The following GALNT17 variants were observed in gnomAD, a reference collection of about 807,000 sequenced individuals.
GALNT17 encodes the protein UDP-GalNAc:polypeptide N-acetylgalactosaminyltransferase-like 3.
Under a neutral mutation model 63.7 loss-of-function variants are expected in GALNT17, and 29 were observed. The ratio of observed to expected loss-of-function variants is 0.46; its 90% CI spans 0.34 to 0.62. The LOEUF (loss-of-function observed/expected upper bound fraction) is 0.62, where lower values mean the gene tolerates loss of function less well. Ranked by LOEUF, GALNT17 falls within the 20% of genes least tolerant of loss-of-function variation. The pLI, the probability that GALNT17 is intolerant of heterozygous loss-of-function variation, is 0.01. For missense variants in GALNT17, 603 were observed against 799.6 expected (o/e 0.75, Z 2.97); for synonymous variants, 305 against 318.3 (o/e 0.96, Z 0.45).
intron 1 of GALNT17, among the ~76,000 whole-genome samples, chr7:71,206,825 G>T (rs1789279707): frequency 6.6e-6 from 1 of 152,130 alleles, no homozygotes; most frequent in African/African-American, 2.4e-5. Flanking sequence ...TGATCAGTAG[G>T]CCGGGCGTGG....
intron 2 of GALNT17, among the ~76,000 whole-genome samples, chr7:71,381,809 G>T (rs1430491094): frequency 6.6e-6 from 1 of 152,136 alleles, no homozygotes; most frequent in African/African-American, 2.4e-5. Flanking sequence ...AACCTGCGGC[G>T]CAAAGAGTGG....
rs796727824 is a variant in GALNT17 at position 71,451,847 on chromosome 7, A to C, written c.962+30742A>C. ...TTTTAAAAACCAAATCAATTTTTTA[A>C]ATATAAGCTTCTATTCTTAATTTAT... On this transcript the variant is annotated intron_variant, in intron 5 of 10. Transcript: ENST00000333538. Among the ~76,000 whole-genome samples the C allele has an allele frequency of 2.8e-4, 42 of 152,206 alleles. 1 individual carries two copies. Among genetic ancestry groups the C allele is most frequent in the African/African-American group, 9.6e-4 (40 of 41,532 alleles).
intron 6 of GALNT17, among the ~76,000 whole-genome samples, chr7:71,585,781 A>G (rs6977463): frequency 0.12 from 17,746 of 152,098 alleles, 1,964 homozygotes; most frequent in African/African-American, 0.3. Flanking sequence ...AGTCTGATTA[A>G]TATATACCCC....
intron 6 of GALNT17, among the ~76,000 whole-genome samples, chr7:71,645,528 G>A (rs1264994448): frequency 6.6e-6 from 1 of 152,152 alleles, no homozygotes; most frequent in African/African-American, 2.4e-5. Context: ...GCAGAACTCT[G>A]AGTCACTTAA....
chr7:71,300,577 T>TAC (rs914397855), intron 1 of GALNT17: 36 of 359,294 alleles, frequency 1.0e-4, no homozygotes, highest in African/African-American at 6.8e-4. Flanking sequence ...ATTTGTTTTC[T>TAC]ACACACACAC....
intron 1 of GALNT17, among the ~76,000 whole-genome samples, chr7:71,286,313 C>G (rs1352535720): frequency 6.6e-6 from 1 of 152,146 alleles, no homozygotes; most frequent in Non-Finnish European, 1.5e-5. Flanking sequence ...GTGAAGGAAC[C>G]CTGGGTGTTT....
At chr7:71,176,580 A>AGGAT (rs1378282233) in intron 1 of GALNT17, among the ~76,000 whole-genome samples, 2 of 152,164 alleles carry the variant, frequency 1.3e-5, no homozygotes, top group African/African-American at 2.4e-5. Flanking sequence ...ATACTGCATC[A>AGGAT]GGATGGGTTC....
chr7:71,267,467 G>GAAT (rs1790512259), intron 1 of GALNT17, among the ~76,000 whole-genome samples: 1 of 151,926 alleles, frequency 6.6e-6, no homozygotes, highest in Non-Finnish European at 1.5e-5. Flanking sequence ...CATCAAGGAG[G>GAAT]AATAATTCAG....
At chr7:71,525,165 T>C (rs867422622) in intron 5 of GALNT17, among the ~76,000 whole-genome samples, 18 of 152,170 alleles carry the variant, frequency 1.2e-4, no homozygotes, top group Middle Eastern at 3.4e-3. Context: ...CTTTTGTGTG[T>C]GTGTGTTTTG....
At chr7:71,525,634 T>C (rs1474391192) in intron 5 of GALNT17, among the ~76,000 whole-genome samples, 2 of 151,754 alleles carry the variant, frequency 1.3e-5, no homozygotes, top group Non-Finnish European at 2.9e-5. Flanking sequence ...CCTTCTGTCA[T>C]AATCATGAGG....
At chr7:71,170,827 ATTTCGAAC>A (rs987699783) in intron 1 of GALNT17, among the ~76,000 whole-genome samples, 1 of 152,120 alleles carries the variant, frequency 6.6e-6, no homozygotes, top group African/African-American at 2.4e-5. Flanking sequence ...GGGTCATATG[ATTTCGAAC>A]TTTGCTTTTT....
chr7:71,420,955 T>G lies in GALNT17; in HGVS notation c.812T>G (p.Ile271Ser). The G allele has an allele frequency of 6.2e-7, 1 of 1,614,066 alleles. No individual in the cohort carries two copies. Among genetic ancestry groups the G allele is most frequent in the Non-Finnish European group, 8.5e-7 (1 of 1,180,008 alleles). ...ATCCAGGAAAACCGGAAGCGTGTGATCCTCCCCTCCATTGACAACATCAAA... is the reference window on the plus strand; with the variant it reads ...ATCCAGGAAAACCGGAAGCGTGTGAGCCTCCCCTCCATTGACAACATCAAA... ...SRIQENRKRV[I>S]LPSIDNIKQD... The change falls in exon 5 of 11, where the codon ATC becomes AGC. Residue 271 changes from isoleucine (I) to serine (S), a missense_variant. Transcript: ENST00000333538.
chr7:71,358,110 G>T (rs1792323729), intron 2 of GALNT17, among the ~76,000 whole-genome samples: 1 of 152,130 alleles, frequency 6.6e-6, no homozygotes, highest in South Asian at 2.1e-4. Flanking sequence ...TCACTTTTTG[G>T]GTCGGTGCCA....
intron 5 of GALNT17, among the ~76,000 whole-genome samples, chr7:71,465,119 A>G (rs1360337030): frequency 6.6e-6 from 1 of 152,194 alleles, no homozygotes; most frequent in East Asian, 1.9e-4. Context: ...ACAGACATCT[A>G]GGTGGCAGCA....
At chr7:71,134,593 A>T (rs918320857) in intron 1 of GALNT17, among the ~76,000 whole-genome samples, 5 of 152,166 alleles carry the variant, frequency 3.3e-5, no homozygotes, top group African/African-American at 1.2e-4. Flanking sequence ...CCTGACTGTC[A>T]GGGTAGCCCA....
intron 1 of GALNT17, among the ~76,000 whole-genome samples, chr7:71,230,447 T>C (rs1789767165): frequency 6.6e-6 from 1 of 152,076 alleles, no homozygotes; most frequent in South Asian, 2.1e-4. Context: ...GGTACCAGCA[T>C]CAGGAGAACA....
At position 71,665,382 on chromosome 7, in the gene GALNT17, T is replaced by G. The variant is rs555815934; in HGVS notation, c.1081-29T>G. The G allele has an allele frequency of 2.9e-5, 45 of 1,577,452 alleles. No individual in the cohort carries two copies. In the South Asian group the frequency reaches 5.1e-4, roughly 18 times the overall value. On this transcript the variant is annotated intron_variant, in intron 6 of 10. Coordinates refer to ENST00000333538, the MANE Select transcript of GALNT17 (RefSeq NM_022479.3). ...GGCATAGCCTCTGGGAATTTCTTTT[T>G]CAGGCTGATGAAATCTTTGTACCCC...
At chr7:71,409,541 G>A (rs901934586) in intron 3 of GALNT17, among the ~76,000 whole-genome samples, 63 of 152,314 alleles carry the variant, frequency 4.1e-4, no homozygotes, top group African/African-American at 1.5e-3. Context: ...CTTAACAACT[G>A]TGTGAGGGTT....
chr7:71,699,519 G>T (rs1232649669), intron 9 of GALNT17, among the ~76,000 whole-genome samples: 4 of 151,062 alleles, frequency 2.6e-5, no homozygotes, highest in Non-Finnish European at 5.9e-5. Context: ...ACCCTCAGGA[G>T]AGTGAAATGT....
Sources: gnomAD v4.1 joint callset for allele counts (sites outside exome capture counted in the v4.1 genomes callset) on GRCh38, gnomAD v4.1.1 for gene constraint, MANE v1.5 for transcripts, NCBI Gene and HGNC (gene_info 2026-07-23, HGNC 2026-07-21) for gene names.